Variants in MDGA1 observed in about 807,000 individuals in gnomAD.
MDGA1 encodes the protein MAM domain containing glycosylphosphatidylinositol anchor 1.
Under a neutral mutation model 101.5 loss-of-function variants are expected in MDGA1, and 54 were observed. That is an observed-to-expected ratio of 0.53 (90% CI 0.43 to 0.67). The LOEUF (loss-of-function observed/expected upper bound fraction) is 0.67, where lower values mean the gene tolerates loss of function less well. Among genes scored for constraint, MDGA1 ranks in the 30% least tolerant of loss-of-function variants. The pLI, the probability that MDGA1 is intolerant of heterozygous loss-of-function variation, is 0.00. For missense variants in MDGA1, 1,083 were observed against 1,323.8 expected, an observed-to-expected ratio of 0.82 and a Z score of 2.82; for synonymous variants, 533 against 558.3, an observed-to-expected ratio of 0.95 and a Z score of 0.64.
At chr6:37,644,414 C>T in intron 13 of MDGA1, 83 bp downstream of exon 13, 1 of 1,364,056 alleles carries the variant, frequency 7.3e-7, no homozygotes, top group Non-Finnish European at 9.6e-7. Flanking sequence ...AGCCGTCTCC[C>T]TTCATCCCCA....
chr6:37,693,839 C>T (rs1386961113), intron 1 of MDGA1, among the ~76,000 whole-genome samples: 1 of 152,242 alleles, frequency 6.6e-6, no homozygotes, highest in African/African-American at 2.4e-5. Context: ...TGGTCCAGCA[C>T]TTGGCCGTTG....
At chr6:37,650,510 T>A in intron 7 of MDGA1, 105 bp from the exon 8 acceptor site, 1 of 1,222,372 alleles carries the variant, frequency 8.2e-7, no homozygotes, top group Non-Finnish European at 1.1e-6. Context: ...GGCAAGCCTC[T>A]CTCTCCCATC....
Position 37,654,793 on chromosome 6 carries a change from C to A in MDGA1, c.712+7G>T, listed in dbSNP as rs1331530899. ...GGGAAGGAGTATGGGGAGGAAAATGCCTGTACCCGTGGTGTTGGTGAGCCG... is the reference window on the plus strand; with the variant it reads ...GGGAAGGAGTATGGGGAGGAAAATGACTGTACCCGTGGTGTTGGTGAGCCG... On this transcript the variant is annotated splice_region_variant and intron_variant, in intron 5 of 16. Coordinates refer to ENST00000434837, the MANE Select transcript of MDGA1 (RefSeq NM_153487.4). 6.2e-7 allele frequency: 1 copy of A among 1,613,590 alleles called. No individual in the cohort carries two copies. Among genetic ancestry groups the A allele is most frequent in the East Asian group, 2.2e-5 (1 of 44,864 alleles).
At chr6:37,654,132 G>A (rs768454399) in intron 6 of MDGA1, 142 bp downstream of exon 6, 4 of 897,224 alleles carry the variant, frequency 4.5e-6, no homozygotes, top group South Asian at 5.4e-5. Flanking sequence ...CAGGGAAATC[G>A]AAGGGCGTGG....
In MDGA1 at chr6:37,697,601, G is replaced by C. The variant is rs1232236782; in HGVS notation, c.-790C>G. The stretch of plus-strand genomic sequence containing the variant: ...TTTGAGTCTTTTGAAAAATATTCGC[G>C]CTCTCGCCCAGGCCGGGGCTGCGGC... On this transcript the variant is annotated 5_prime_UTR_variant, in exon 1 of 17. Coordinates refer to ENST00000434837, the MANE Select transcript of MDGA1 (RefSeq NM_153487.4). The C allele has an allele frequency of 6.6e-6, 1 of 152,052 alleles. No homozygotes were observed. The highest frequency in any genetic ancestry group is 2.4e-5 in the African/African-American group (1 of 41,432). 9.4% of individuals were successfully genotyped at this position (152,052 alleles called of 1,614,324 possible).
intron 1 of MDGA1, among the ~76,000 whole-genome samples, chr6:37,684,891 A>G (rs1762164969): frequency 6.6e-6 from 1 of 152,160 alleles, no homozygotes; most frequent in Non-Finnish European, 1.5e-5. Flanking sequence ...TTTTACTGGA[A>G]CACCGGAATC....
chr6:37,638,585 A>G lies in MDGA1; in HGVS notation c.2619T>C (p.Asn873=). The G allele has an allele frequency of 1.2e-6, 2 of 1,613,898 alleles. No individual in the cohort carries two copies. The highest frequency in any genetic ancestry group is 1.6e-4 in the Middle Eastern group (1 of 6,062). The part of the protein sequence containing the change: ...HAWSLSGNKG[N]VWQQAHVPIS... ...TGGGCACATGGGCCTGCTGCCACAC[A>G]TTGCCCTTATTGCCACTGAGAGACC... The change falls in exon 15 of 17, where the codon AAT becomes AAC. Residue 873 remains asparagine, a synonymous_variant. Transcript: ENST00000434837. The surrounding 1 kb of genome is among the most constrained non-coding windows in gnomAD (Gnocchi z 4.8).
chr6:37,686,446 G>A (rs9470664), intron 1 of MDGA1, among the ~76,000 whole-genome samples: 1,624 of 143,534 alleles, frequency 0.011, 34 homozygotes, highest in African/African-American at 0.041. Flanking sequence ...TTTTTTTTGA[G>A]ATGGAGTTTC....
chr6:37,689,230 TTCTC>T (rs1055856832), intron 1 of MDGA1, among the ~76,000 whole-genome samples: 9 of 152,160 alleles, frequency 5.9e-5, no homozygotes, highest in South Asian at 2.1e-4. Context: ...GCCCAATCCC[TTCTC>T]TCTACTTTCT....
intron 1 of MDGA1, among the ~76,000 whole-genome samples, chr6:37,664,653 G>A (rs903375721): frequency 2.0e-4 from 22 of 109,192 alleles, no homozygotes; most frequent in Non-Finnish European, 4.0e-4. Flanking sequence ...GGTGACTATG[G>A]CACTGTCATA....
At chr6:37,684,169 G>T (rs1169798427) in intron 1 of MDGA1, among the ~76,000 whole-genome samples, 1 of 152,212 alleles carries the variant, frequency 6.6e-6, no homozygotes, top group Non-Finnish European at 1.5e-5. Flanking sequence ...CAGTGGCAGT[G>T]CTTCTGCCAG....
At chr6:37,666,107 G>A (rs1035147373) in intron 1 of MDGA1, among the ~76,000 whole-genome samples, 2 of 152,002 alleles carry the variant, frequency 1.3e-5, no homozygotes, top group East Asian at 3.9e-4. Flanking sequence ...CAGCCCTTTG[G>A]GAGGCCGAGG....
chr6:37,678,662 G>A (rs1018525686), intron 1 of MDGA1, among the ~76,000 whole-genome samples: 1 of 151,836 alleles, frequency 6.6e-6, no homozygotes, highest in African/African-American at 2.4e-5. Flanking sequence ...CCACCTCAGG[G>A]CCTTTGCACT....
chr6:37,671,562 C>G (rs1049393997), intron 1 of MDGA1, among the ~76,000 whole-genome samples: 3 of 152,100 alleles, frequency 2.0e-5, no homozygotes, highest in Non-Finnish European at 4.4e-5. Flanking sequence ...CTTTTCCTCC[C>G]CAAAAATTAT....
chr6:37,683,602 C>A (rs762235789), intron 1 of MDGA1, among the ~76,000 whole-genome samples: 2 of 152,226 alleles, frequency 1.3e-5, no homozygotes, highest in African/African-American at 4.8e-5. Flanking sequence ...GGAATTAACA[C>A]CCCCAGGAGC....
intron 14 of MDGA1, 22 bp downstream of exon 14, chr6:37,643,787 A>C: frequency 1.2e-6 from 2 of 1,613,248 alleles, no homozygotes; most frequent in Non-Finnish European, 1.7e-6. Flanking sequence ...CTTGGTGGAG[A>C]CTACCTGGCC....
rs553930826 is a variant in MDGA1, at chr6:37,672,625, C to A, written c.68-8519G>T. ...GCCCAGAGTTGGTTCTATCTGCCCA[C>A]AGATGACAGAGCAGGTGCCACCACC... is the stretch of plus-strand genomic sequence containing the variant. On this transcript the variant is annotated intron_variant, in intron 1 of 16. Transcript: ENST00000434837. Among the ~76,000 whole-genome samples the A allele has an allele frequency of 2.0e-5, 3 of 152,264 alleles. No individual in the cohort carries two copies. In the South Asian group the frequency reaches 6.2e-4, roughly 32 times the overall value.
intron 12 of MDGA1, among the ~76,000 whole-genome samples, chr6:37,645,465 C>T (rs1041640490): frequency 7.2e-5 from 11 of 151,988 alleles, no homozygotes; most frequent in African/African-American, 1.7e-4. Context: ...ACCCGGGAGG[C>T]GCAGAGGTTG....
At chr6:37,656,069 A>G (rs1029996950) in intron 3 of MDGA1, among the ~76,000 whole-genome samples, 173 bp from the exon 4 acceptor site, 1 of 133,148 alleles carries the variant, frequency 7.5e-6, no homozygotes, top group African/African-American at 2.7e-5. Context: ...AGGGGATAGG[A>G]CTTTTTCCTT....
Sources: gnomAD v4.1 joint callset for allele counts (sites outside exome capture counted in the v4.1 genomes callset) on GRCh38, gnomAD v4.1.1 for gene constraint, Gnocchi (gnomAD v3.1) non-coding constraint, MANE v1.5 for transcripts, NCBI Gene and HGNC (gene_info 2026-07-23, HGNC 2026-07-21) for gene names.